Variants in ACOX3 observed in about 807,000 individuals in gnomAD.
The protein encoded by ACOX3 is acyl-CoA oxidase 3, pristanoyl, also known as peroxisomal acyl-coenzyme A oxidase 3.
ACOX3 carries 73 observed loss-of-function variants against 81.5 expected under a neutral mutation model. The ratio of observed to expected loss-of-function variants is 0.90; its 90% CI spans 0.74 to 1.09. The LOEUF (loss-of-function observed/expected upper bound fraction) is 1.09, where lower values mean the gene tolerates loss of function less well. Ranked by LOEUF, ACOX3 falls within the 50% of genes least tolerant of loss-of-function variation. The pLI is 0.00. For missense variants in ACOX3, 947 were observed against 928.0 expected (o/e 1.02, Z -0.27); for synonymous variants, 387 against 375.1 (o/e 1.03, Z -0.37).
chr4:8,436,580 G>A lies in ACOX3; in HGVS notation c.-15+4068C>T, dbSNP rs188772101. Among the ~76,000 whole-genome samples the A allele has an allele frequency of 9.9e-5, 15 of 152,230 alleles. No individual in the cohort carries two copies. In the East Asian group the frequency reaches 2.9e-3, roughly 29 times the overall value. On this transcript the variant is annotated intron_variant, in intron 1 of 17. Coordinates refer to ENST00000356406, the MANE Select transcript of ACOX3 (RefSeq NM_003501.3). ...AGAGGCACTTCTGCAGAGGCTAAGAGGTAGTAGAAAAAAAGCAATTAATAT... is the reference window on the plus strand; with the variant it reads ...AGAGGCACTTCTGCAGAGGCTAAGAAGTAGTAGAAAAAAAGCAATTAATAT...
Position 8,392,365 on chromosome 4 carries a change from C to G in ACOX3, c.1268G>C (p.Arg423Pro). ...WTTQQGIQEC[R>P]EACGGHGYLA... ...ATAGCCGTGTCCTCCACACGCCTCC[C>G]GGCATTCCTGAATTCCTTGCTGGGT... Residue 423 changes from arginine to proline, a missense_variant, in exon 11 of 18, where the codon CGG becomes CCG. Transcript: ENST00000356406. The G allele has an allele frequency of 6.2e-7, 1 of 1,606,216 alleles. No homozygotes were observed. The highest frequency in any genetic ancestry group is 8.5e-7 in the Non-Finnish European group (1 of 1,177,268).
rs368578898 is a variant in ACOX3 at position 8,410,178 on chromosome 4, A to G, written c.687+34T>C. 34 of 1,601,978 alleles carry G rather than the reference A, an allele frequency of 2.1e-5. No individual in the cohort carries two copies. In the African/African-American group the frequency reaches 2.3e-4, roughly 11 times the overall value. On this transcript the variant is annotated intron_variant, in intron 6 of 17. Transcript: ENST00000356406. ...TTACCAGTGCTTCCTGGGGGTAAAC[A>G]CTGCCCCCACTGAGGGCCACCCCAG...
At chr4:8,417,754 A>G (rs1722498464) in intron 1 of ACOX3, among the ~76,000 whole-genome samples, 1 of 152,244 alleles carries the variant, frequency 6.6e-6, no homozygotes, top group African/African-American at 2.4e-5. Flanking sequence ...AAAATCAATA[A>G]ACGATCAAGT....
rs1250018689 is a variant in ACOX3 at position 8,423,886 on chromosome 4, A to G, written c.-14-7351T>C. Reference sequence around the variant, plus strand: ...TGGCCAGGCATTAGCCCGAGACTTGAGCCAGTTCTCATACTTGGGCACTCT... The same window carrying G: ...TGGCCAGGCATTAGCCCGAGACTTGGGCCAGTTCTCATACTTGGGCACTCT... On this transcript the variant is annotated intron_variant, in intron 1 of 17. Transcript: ENST00000356406. The surrounding 1 kb of genome is among the most constrained non-coding windows in gnomAD (Gnocchi z 4.2). 2.8e-4 allele frequency among the ~76,000 whole-genome samples: 43 copies of G among 152,178 alleles called. 1 individual carries two copies. The highest frequency in any genetic ancestry group is 2.8e-3 in the Admixed American group (43 of 15,282).
chr4:8,369,486 G>A (rs1289953502), intron 17 of ACOX3, among the ~76,000 whole-genome samples: 14 of 152,202 alleles, frequency 9.2e-5, no homozygotes, highest in Admixed American at 9.2e-4. Flanking sequence ...GGGCTGTATG[G>A]GCTCTGGGGA....
chr4:8,372,059 G>A (rs1057117320), intron 16 of ACOX3, among the ~76,000 whole-genome samples: 1 of 152,196 alleles, frequency 6.6e-6, no homozygotes, highest in Non-Finnish European at 1.5e-5. Context: ...GCACACAACG[G>A]TCATCCAGCC....
intron 13 of ACOX3, among the ~76,000 whole-genome samples, chr4:8,387,973 A>G (rs1180532516): frequency 6.6e-6 from 1 of 152,190 alleles, no homozygotes; most frequent in African/African-American, 2.4e-5. Flanking sequence ...CATGAGGAAC[A>G]TTTTTAAAAA....
rs73209502 is a variant in ACOX3 at position 8,402,087 on chromosome 4, C to T, written c.777-2435G>A. Among the ~76,000 whole-genome samples the T allele has an allele frequency of 8.5e-3, 1,290 of 152,334 alleles. 5 individuals carry two copies. The highest frequency in any genetic ancestry group is 0.035 in the South Asian group (167 of 4,834). On this transcript the variant is annotated intron_variant, in intron 7 of 17. Transcript: ENST00000356406. ...GTATGAACAAGTCAGGTGGGGCAGACGACATCCTCTGAGGCACAAGGGCCA... is the reference window on the plus strand; with the variant it reads ...GTATGAACAAGTCAGGTGGGGCAGATGACATCCTCTGAGGCACAAGGGCCA...
chr4:8,383,232 T>C (rs1578880805), intron 13 of ACOX3, among the ~76,000 whole-genome samples: 1 of 152,002 alleles, frequency 6.6e-6, no homozygotes, highest in South Asian at 2.1e-4. Context: ...ACAGGCAGGG[T>C]TGGGCGGAGG....
Position 8,416,584 on chromosome 4 carries a change from A to G in ACOX3, c.-14-49T>C. The G allele has an allele frequency of 6.6e-7, 1 of 1,504,752 alleles. No individual in the cohort carries two copies. The highest frequency in any genetic ancestry group is 8.9e-7 in the Non-Finnish European group (1 of 1,128,812). 93.2% of individuals were successfully genotyped at this position (1,504,752 alleles called of 1,614,324 possible). A position where few individuals can be genotyped will look rare whatever the true frequency, so the allele number is the denominator to read the frequency against. On this transcript the variant is annotated intron_variant, in intron 1 of 17. Coordinates refer to ENST00000356406, the MANE Select transcript of ACOX3 (RefSeq NM_003501.3). This position sits in a 1 kb window ranked among gnomAD's most constrained non-coding sequence, Gnocchi z 4.2. ...TCCATGCTCTCCCATCTATGGGTTC[A>G]AACTACCCCCACCAACAGGAGAGCC...
intron 17 of ACOX3, among the ~76,000 whole-genome samples, chr4:8,367,991 CAAAA>C (rs536606440): frequency 8.4e-6 from 1 of 119,084 alleles, no homozygotes; most frequent in Non-Finnish European, 1.8e-5. Flanking sequence ...GATCCTATCT[CAAAA>C]AAAAAAAAAA....
In ACOX3 at chr4:8,392,416, G is replaced by A. The variant is rs1461679339; in HGVS notation, c.1217C>T (p.Ala406Val). The A allele has an allele frequency of 3.7e-6, 6 of 1,608,620 alleles. No homozygotes were observed. The highest frequency in any genetic ancestry group is 5.1e-6 in the Non-Finnish European group (6 of 1,178,088). ...LGREIHALAS[A>V]SKPLASWTTQ... is the part of the protein sequence containing the mutation. ...GGTCCACGAGGCCAGGGGCTTGCTG[G>A]CCGATGCCAGGGCGTGGATCTCACG... The change falls in exon 11 of 18, where the codon GCC becomes GTC. Residue 406 changes from alanine (A) to valine (V), a missense_variant. Coordinates refer to ENST00000356406, the MANE Select transcript of ACOX3 (RefSeq NM_003501.3).
intron 14 of ACOX3, among the ~76,000 whole-genome samples, chr4:8,378,649 C>T (rs1367917450): frequency 2.0e-5 from 3 of 152,246 alleles, no homozygotes; most frequent in East Asian, 1.9e-4. Flanking sequence ...GGAGGAGGGA[C>T]GCCACCACCC....
Position 8,431,752 on chromosome 4 carries a change from C to T in ACOX3, c.-15+8896G>A, listed in dbSNP as rs749197542. ...GGGAGCACTGCCATAGGGCCTCACCCACCCCCTCTCTTGTTTATCTTGACT... is the reference window on the plus strand; with the variant it reads ...GGGAGCACTGCCATAGGGCCTCACCTACCCCCTCTCTTGTTTATCTTGACT... On this transcript the variant is annotated intron_variant, in intron 1 of 17. Transcript: ENST00000356406. This position sits in a 1 kb window ranked among gnomAD's most constrained non-coding sequence, Gnocchi z 5.3. 2.4e-4 allele frequency among the ~76,000 whole-genome samples: 36 copies of T among 152,330 alleles called. No individual in the cohort carries two copies. Among genetic ancestry groups the T allele is most frequent in the Non-Finnish European group, 4.4e-4 (30 of 68,036 alleles).
chr4:8,371,915 A>G (rs1324752574), intron 16 of ACOX3, among the ~76,000 whole-genome samples: 5 of 152,246 alleles, frequency 3.3e-5, no homozygotes, highest in African/African-American at 1.2e-4. Context: ...AAAGGCACCC[A>G]CAGACGACAC....
intron 13 of ACOX3, among the ~76,000 whole-genome samples, chr4:8,388,898 G>C (rs1011582738): frequency 6.6e-6 from 1 of 152,168 alleles, no homozygotes; most frequent in Non-Finnish European, 1.5e-5. Context: ...GGCCTCTCAC[G>C]CCCTTTATCC....
At chr4:8,436,371 T>G (rs1724235424) in intron 1 of ACOX3, 1 of 152,210 alleles carries the variant, frequency 6.6e-6, no homozygotes, top group Non-Finnish European at 1.5e-5. Flanking sequence ...AGCTCATTGC[T>G]TTAATTCAGG....
At position 8,370,852 on chromosome 4, in the gene ACOX3, G is replaced by T; in HGVS notation, c.1983+56C>A. ...TGACCCACAGGAGCATCTCAGCTCC[G>T]CAGAAATGCCCATCAACCCTTGGGG... On this transcript the variant is annotated intron_variant, in intron 17 of 17. Transcript: ENST00000356406. The surrounding 1 kb of genome is among the most constrained non-coding windows in gnomAD (Gnocchi z 6.3). The T allele has an allele frequency of 6.6e-7, 1 of 1,525,332 alleles. No individual in the cohort carries two copies. The highest frequency in any genetic ancestry group is 1.1e-5 in the South Asian group (1 of 89,162). 94.5% of individuals were successfully genotyped at this position (1,525,332 alleles called of 1,614,324 possible).
chr4:8,427,169 C>G (rs1444260703), intron 1 of ACOX3, among the ~76,000 whole-genome samples: 1 of 152,144 alleles, frequency 6.6e-6, no homozygotes, highest in African/African-American at 2.4e-5. Flanking sequence ...CACTAAAATA[C>G]CAATGAGGCT....
Sources: allele counts gnomAD v4.1 joint callset (sites outside exome capture counted in the v4.1 genomes callset), GRCh38; gene constraint gnomAD v4.1.1; non-coding constraint Gnocchi (gnomAD v3.1); transcripts MANE v1.5; gene names NCBI Gene and HGNC (gene_info 2026-07-23, HGNC 2026-07-21).